The following ARFGEF1 variants were observed in gnomAD, a reference collection of about 807,000 sequenced individuals.
ARFGEF1 encodes the protein ARF guanine nucleotide exchange factor 1, also known as brefeldin A-inhibited guanine nucleotide-exchange protein 1.
ARFGEF1 carries 42 observed loss-of-function variants against 231.0 expected under a neutral mutation model. The ratio of observed to expected loss-of-function variants is 0.18; its 90% confidence interval spans 0.14 to 0.24. ARFGEF1 has a LOEUF of 0.24. Among genes scored for constraint, ARFGEF1 ranks in the 10% least tolerant of loss-of-function variants. ARFGEF1 has a pLI of 1.00. For missense variants in ARFGEF1, 1,345 were observed against 2,192.0 expected, an observed-to-expected ratio of 0.61 and a Z score of 7.72; for synonymous variants, 710 against 732.3, an observed-to-expected ratio of 0.97 and a Z score of 0.49.
intron 1 of ARFGEF1, among the ~76,000 whole-genome samples, chr8:67,310,332 C>T (rs1195391576): frequency 6.6e-6 from 1 of 152,198 alleles, no homozygotes; most frequent in Non-Finnish European, 1.5e-5. Context: ...CCCTTAACCG[C>T]GAGTGATCCG....
At chr8:67,313,562 C>T (rs192037830) in intron 1 of ARFGEF1, among the ~76,000 whole-genome samples, 6 of 152,308 alleles carry the variant, frequency 3.9e-5, no homozygotes, top group Admixed American at 3.9e-4. Context: ...TCTTCTGGGT[C>T]TAGCCACCCA....
chr8:67,206,191 C>A (rs1381602800), intron 34 of ARFGEF1, among the ~76,000 whole-genome samples: 2 of 150,782 alleles, frequency 1.3e-5, no homozygotes, highest in Non-Finnish European at 3.0e-5. Flanking sequence ...AGGTGGATTG[C>A]CTGAGGTCAG....
intron 14 of ARFGEF1, among the ~76,000 whole-genome samples, 172 bp from the exon 15 acceptor site, chr8:67,260,098 TTTC>T (rs1434125654): frequency 6.6e-6 from 1 of 152,214 alleles, no homozygotes; most frequent in Non-Finnish European, 1.5e-5. Flanking sequence ...TCTTTATTCT[TTTC>T]TTTTTAGAAA....
At chr8:67,300,597 CA>C (rs769300803) in intron 3 of ARFGEF1, among the ~76,000 whole-genome samples, 1 of 139,158 alleles carries the variant, frequency 7.2e-6, no homozygotes, top group Non-Finnish European at 1.5e-5. Flanking sequence ...GACGGGCAGG[CA>C]GATCACTTGA....
chr8:67,255,455 C>A (rs1840425457), intron 17 of ARFGEF1, among the ~76,000 whole-genome samples: 2 of 152,020 alleles, frequency 1.3e-5, no homozygotes, highest in Admixed American at 6.6e-5. Flanking sequence ...TCACCACACA[C>A]TACATAAAAA....
In ARFGEF1 at chr8:67,200,522, G is replaced by A. The variant is rs762297109; in HGVS notation, c.5268-9C>T. 3 of 1,531,580 alleles carry A rather than the reference G, an allele frequency of 2.0e-6. No individual in the cohort carries two copies. Among genetic ancestry groups the A allele is most frequent in the East Asian group, 2.3e-5 (1 of 44,428 alleles). The allele number at this position is 1,531,580 out of a possible 1,614,324, so 94.9% of individuals were successfully genotyped here. ...GTGCTTCACTGCAGACACTGCAAAA[G>A]AAAAGGTTTCCTTTAATGTTACTTG... On this transcript the variant is annotated splice_polypyrimidine_tract_variant and intron_variant, in intron 37 of 38. Transcript: ENST00000262215.
intron 17 of ARFGEF1, among the ~76,000 whole-genome samples, chr8:67,257,184 G>T (rs775805334): frequency 6.6e-6 from 1 of 151,912 alleles, no homozygotes; most frequent in Non-Finnish European, 1.5e-5. Context: ...AGGCTCAAGC[G>T]ATCGTCCCAC....
intron 19 of ARFGEF1, among the ~76,000 whole-genome samples, chr8:67,244,050 G>A (rs906290381): frequency 2.0e-4 from 31 of 151,704 alleles, no homozygotes; most frequent in African/African-American, 6.8e-4. Context: ...AGACCAGCCT[G>A]GCCAACATGA....
Position 67,253,543 on chromosome 8 carries a change from T to C in ARFGEF1, c.2606A>G (p.Tyr869Cys). The C allele has an allele frequency of 6.3e-7, 1 of 1,585,446 alleles. No individual in the cohort carries two copies. Among genetic ancestry groups the C allele is most frequent in the Non-Finnish European group, 8.7e-7 (1 of 1,154,854 alleles). ...TATTTCATTATAGATGGCTGATAGATACTCTTCAGGAAGGTCTTTACTGTC... is the reference window on the plus strand; with the variant it reads ...TATTTCATTATAGATGGCTGATAGACACTCTTCAGGAAGGTCTTTACTGTC... ...INDSKDLPEE[Y>C]LSAIYNEIAG... The change falls in exon 18 of 39, where the codon TAT becomes TGT. Residue 869 changes from tyrosine to cysteine, a missense_variant. By Grantham distance (194) the Tyr-to-Cys change is radical. Coordinates refer to ENST00000262215, the MANE Select transcript of ARFGEF1 (RefSeq NM_006421.5).
chr8:67,272,823 T>C (rs1055707127), intron 9 of ARFGEF1, among the ~76,000 whole-genome samples: 6 of 152,064 alleles, frequency 3.9e-5, no homozygotes, highest in East Asian at 1.9e-4. Flanking sequence ...TTAAAAACTT[T>C]AAGGCCAGGC....
intron 1 of ARFGEF1, among the ~76,000 whole-genome samples, chr8:67,315,959 A>G (rs892132391): frequency 1.3e-5 from 2 of 152,174 alleles, no homozygotes; most frequent in Admixed American, 6.5e-5. Flanking sequence ...CAGAAAAAAA[A>G]GGAAAAATAA....
chr8:67,191,550 C>T (rs865866138), intron 5 of ARFGEF1, among the ~76,000 whole-genome samples: 4 of 152,276 alleles, frequency 2.6e-5, no homozygotes, highest in South Asian at 4.1e-4. Flanking sequence ...TTATTTGTGA[C>T]TGGATTTGTC....
chr8:67,282,012 A>G (rs115345821), intron 7 of ARFGEF1, among the ~76,000 whole-genome samples: 1 of 152,178 alleles, frequency 6.6e-6, no homozygotes, highest in African/African-American at 2.4e-5. Flanking sequence ...TTATAAGCAC[A>G]TTACAATTTC....
rs576524828 is a variant in ARFGEF1 at position 67,199,919 on chromosome 8, T to C, written c.5385+477A>G. 151 of 231,312 alleles carry C rather than the reference T, an allele frequency of 6.5e-4. 2 individuals are homozygous for C. Among genetic ancestry groups the C allele is most frequent in the South Asian group, 3.4e-3 (50 of 14,888 alleles). 14.3% of individuals were successfully genotyped at this position (231,312 alleles called of 1,614,324 possible). On this transcript the variant is annotated intron_variant, in intron 38 of 38. Transcript: ENST00000262215. ...TGTATTTTATCTTTATTTCTACTGGTTTAAAATTCTTAGATGAGGCCCATT... is the reference window on the plus strand; with the variant it reads ...TGTATTTTATCTTTATTTCTACTGGCTTAAAATTCTTAGATGAGGCCCATT...
intron 23 of ARFGEF1, among the ~76,000 whole-genome samples, chr8:67,231,498 G>C (rs1158318523): frequency 6.6e-6 from 1 of 152,036 alleles, no homozygotes; most frequent in East Asian, 1.9e-4. Flanking sequence ...ACAGTGGATA[G>C]GAAGATAAAT....
intron 3 of ARFGEF1, among the ~76,000 whole-genome samples, chr8:67,299,626 T>C (rs1020176366): frequency 4.6e-5 from 7 of 152,104 alleles, no homozygotes; most frequent in Non-Finnish European, 8.8e-5. Flanking sequence ...AGTCAGGCCT[T>C]GGAGAACCTG....
At chr8:67,301,544 T>C (rs1215413974) in intron 2 of ARFGEF1, among the ~76,000 whole-genome samples, 164 bp from the exon 3 acceptor site, 1 of 152,218 alleles carries the variant, frequency 6.6e-6, no homozygotes, top group Non-Finnish European at 1.5e-5. Context: ...AGTGAAGTGG[T>C]TTGCCACATA....
intron 5 of ARFGEF1, among the ~76,000 whole-genome samples, chr8:67,188,083 A>AAATT (rs1163805292): frequency 4.6e-5 from 7 of 152,250 alleles, no homozygotes; most frequent in African/African-American, 1.7e-4. Context: ...CTGTTAATTA[A>AAATT]GAGAATGAGA....
intron 5 of ARFGEF1, among the ~76,000 whole-genome samples, chr8:67,192,548 G>A (rs1188477578): frequency 6.6e-6 from 1 of 151,934 alleles, no homozygotes; most frequent in Non-Finnish European, 1.5e-5. Flanking sequence ...ATTTTGATGA[G>A]GTCCAACTCA....
Sources: allele counts gnomAD v4.1 joint callset (sites outside exome capture counted in the v4.1 genomes callset), GRCh38; gene constraint gnomAD v4.1.1; transcripts MANE v1.5; gene names NCBI Gene and HGNC (gene_info 2026-07-23, HGNC 2026-07-21).